The following SMC2 variants were observed in gnomAD, a reference collection of about 807,000 sequenced individuals.
The protein encoded by SMC2 is structural maintenance of chromosomes protein 2.
Under a neutral mutation model 142.6 loss-of-function variants are expected in SMC2, and 41 were observed. The observed-to-expected ratio is 0.29, with a 90% CI of 0.22 to 0.37. The LOEUF is 0.37. Among genes scored for constraint, SMC2 ranks in the 10% least tolerant of loss-of-function variants. SMC2 has a pLI of 1.00. For synonymous variants in SMC2, 463 were observed against 457.5 expected (o/e 1.01, Z -0.15); for missense variants, 1,265 against 1,373.7 (o/e 0.92, Z 1.25).
rs1266414745 is a variant in SMC2 at position 104,124,959 on chromosome 9, G to A, written c.2305G>A (p.Ala769Thr). 6.3e-7 allele frequency: 1 copy of A among 1,597,496 alleles called. No individual in the cohort carries two copies. The highest frequency in any genetic ancestry group is 1.8e-5 in the Admixed American group (1 of 54,952). Residue 769 changes from alanine to threonine, a missense_variant, in exon 18 of 25, where the codon GCA (alanine) becomes ACA (threonine). Ala to Thr is a moderately conservative substitution (Grantham distance 58, BLOSUM62 0). Transcript: ENST00000374793. The stretch of plus-strand genomic sequence containing the variant: ...AAACACTAAAGAAATCCAAAGAAAA[G>A]CAGAAGAAAAATATGAAGTATTGGA... ...LKNTKEIQRK[A>T]EEKYEVLENK...
intron 22 of SMC2, 46 bp from the exon 23 acceptor site, chr9:104,134,369 T>C: frequency 6.9e-7 from 1 of 1,453,866 alleles, no homozygotes; most frequent in Non-Finnish European, 9.3e-7. Context: ...TTGATTCTTC[T>C]TGGAAAGCAT....
Position 104,111,786 on chromosome 9 carries a change from T to C in SMC2, c.1226T>C (p.Ile409Thr), listed in dbSNP as rs749636234. 1.4e-5 allele frequency: 23 copies of C among 1,613,656 alleles called. No homozygotes were observed. Among genetic ancestry groups the C allele is most frequent in the Non-Finnish European group, 1.8e-5 (21 of 1,179,784 alleles). Residue 409 changes from isoleucine to threonine, a missense_variant, in exon 10 of 25, where the codon ATA becomes ACA. By Grantham distance (89) the Ile-to-Thr change is moderately conservative. Coordinates refer to ENST00000374793, the MANE Select transcript of SMC2 (RefSeq NM_006444.3). The stretch of plus-strand genomic sequence containing the variant: ...CAAATGATGGCCTGTAAAAATGATA[T>C]AAGTAAAGCTCAGACAGAAGCCAAA... ...AGQMMACKNDISKAQTEAKQA... is the reference protein window; with the variant it reads ...AGQMMACKNDTSKAQTEAKQA...
Position 104,129,716 on chromosome 9 carries a change from C to G in SMC2, c.2862C>G (p.Ala954=), listed in dbSNP as rs770213218. 1 of 1,613,844 alleles carries G rather than the reference C, an allele frequency of 6.2e-7. No individual in the cohort carries two copies. The highest frequency in any genetic ancestry group is 8.5e-7 in the Non-Finnish European group (1 of 1,179,892). Residue 954 remains alanine, a synonymous_variant, in exon 21 of 25, where the codon GCC becomes GCG. Transcript: ENST00000374793. Reference sequence around the variant, plus strand: ...ACCTCTTTGGCCAACCCAATAGTGCCTATGATTTCAAAACTAACAACCCTA... The same window carrying G: ...ACCTCTTTGGCCAACCCAATAGTGCGTATGATTTCAAAACTAACAACCCTA... The part of the protein sequence containing the change: ...ERHLFGQPNS[A]YDFKTNNPKE...
intron 12 of SMC2, among the ~76,000 whole-genome samples, chr9:104,114,429 AG>A (rs1294733796): frequency 6.6e-6 from 1 of 152,202 alleles, no homozygotes; most frequent in African/African-American, 2.4e-5. Context: ...GAATATTTAC[AG>A]TAATCATATG....
intron 17 of SMC2, among the ~76,000 whole-genome samples, chr9:104,124,084 C>T (rs1834013934): frequency 6.6e-6 from 1 of 152,124 alleles, no homozygotes; most frequent in African/African-American, 2.4e-5. Context: ...CGTGTTCATT[C>T]AGTATTGCCC....
upstream of SMC2, among the ~76,000 whole-genome samples, chr9:104,090,145 C>T (rs1484427884): frequency 1.3e-5 from 2 of 152,118 alleles, no homozygotes; most frequent in Non-Finnish European, 2.9e-5. Flanking sequence ...CCTTTATAAA[C>T]TCATAGAAAT....
In SMC2 at chr9:104,102,292, A is replaced by T. The variant is rs895982483; in HGVS notation, c.870+99A>T. The T allele has an allele frequency of 2.8e-6, 3 of 1,067,236 alleles. No individual in the cohort carries two copies. In the African/African-American group the frequency reaches 4.8e-5, roughly 17 times the overall value. 66.1% of individuals were successfully genotyped at this position (1,067,236 alleles called of 1,614,324 possible). A position where few individuals can be genotyped will look rare whatever the true frequency, so the allele number is the denominator to read the frequency against. On this transcript the variant is annotated intron_variant, in intron 8 of 24. Transcript: ENST00000374793. The stretch of plus-strand genomic sequence containing the variant: ...GGATTCATTGGGCATTGTCTTCCGT[A>T]TTGATTTGTTAATCTTATAGTAAGA...
intron 4 of SMC2, among the ~76,000 whole-genome samples, chr9:104,098,904 TAAAA>T (rs1830794796): frequency 6.6e-6 from 1 of 151,844 alleles, no homozygotes; most frequent in South Asian, 2.1e-4. Context: ...ATTTCAAGTA[TAAAA>T]GCTTGAGTAA....
At chr9:104,094,697 G>A (rs981562923) in intron 1 of SMC2, 30 of 350,644 alleles carry the variant, frequency 8.6e-5, no homozygotes, top group African/African-American at 6.3e-4. Flanking sequence ...AAAAGCCTGA[G>A]TAAAAGCAAG....
At chr9:104,097,455 TATC>T (rs1233846796) in intron 3 of SMC2, among the ~76,000 whole-genome samples, 1 of 149,648 alleles carries the variant, frequency 6.7e-6, no homozygotes, top group African/African-American at 2.5e-5. Context: ...CTGTCCATCT[TATC>T]ATTTATCACT....
chr9:104,088,378 T>C, the SMC2 span, among the ~76,000 whole-genome samples: 2 of 152,112 alleles, frequency 1.3e-5, no homozygotes, highest in Non-Finnish European at 2.9e-5. Flanking sequence ...CAAGCACCAA[T>C]ATGTATCACA....
Position 104,106,442 on chromosome 9 carries a change from G to A in SMC2, c.1020+3869G>A, listed in dbSNP as rs1429445620. Among the ~76,000 whole-genome samples the A allele has an allele frequency of 6.6e-5, 10 of 152,094 alleles. 1 individual carries two copies. In the East Asian group the frequency reaches 1.9e-3, roughly 29 times the overall value. On this transcript the variant is annotated intron_variant, in intron 9 of 24. Coordinates refer to ENST00000374793, the MANE Select transcript of SMC2 (RefSeq NM_006444.3). The stretch of plus-strand genomic sequence containing the variant: ...TCACTCTTGTTGCCCAGGCTGGAGT[G>A]CAGTGGCGCAATTTCGGCTCACTAC...
intron 15 of SMC2, among the ~76,000 whole-genome samples, chr9:104,119,179 A>G (rs1030395610): frequency 6.6e-6 from 1 of 152,192 alleles, no homozygotes; most frequent in South Asian, 2.1e-4. Flanking sequence ...TCCAGTACAC[A>G]ATCAAATGAC....
intron 9 of SMC2, among the ~76,000 whole-genome samples, chr9:104,103,852 G>A (rs528705028): frequency 1.3e-5 from 2 of 152,274 alleles, no homozygotes; most frequent in Admixed American, 1.3e-4. Context: ...AAATTTTGAA[G>A]CGATATGAAC....
chr9:104,117,068 A>G (rs1229540300), intron 14 of SMC2, among the ~76,000 whole-genome samples: 3 of 152,192 alleles, frequency 2.0e-5, no homozygotes, highest in African/African-American at 4.8e-5. Flanking sequence ...GAAGATTTCA[A>G]TGCAAATGAT....
chr9:104,111,487 T>C, intron 9 of SMC2, 94 bp from the exon 10 acceptor site: 1 of 681,424 alleles, frequency 1.5e-6, no homozygotes, highest in South Asian at 2.0e-5. Context: ...CACTCCAAAT[T>C]GCTATGGAAT....
chr9:104,123,173 T>A lies in SMC2; in HGVS notation c.2198T>A (p.Leu733His). 2 of 1,612,132 alleles carry A rather than the reference T, an allele frequency of 1.2e-6. No homozygotes were observed. The highest frequency in any genetic ancestry group is 1.7e-6 in the Non-Finnish European group (2 of 1,179,046). ...TEEADLLQTK[L>H]QQSSYHKQQE... ...GAGGCAGATTTATTACAAACCAAGC[T>A]CCAGCAAAGCTCATATCACAAGCAA... Residue 733 changes from leucine to histidine, a missense_variant, in exon 17 of 25, where the codon CTC becomes CAC. By Grantham distance (99) the Leu-to-His change is moderately conservative. Around this residue, in one of 4 missense-constraint regions of SMC2, gnomAD observed 898 missense variants for 904.2 expected, o/e 0.99. Transcript: ENST00000374793.
In SMC2 at chr9:104,123,113, G is replaced by A. The variant is rs781384156; in HGVS notation, c.2138G>A (p.Arg713His). 38 of 1,604,796 alleles carry A rather than the reference G, an allele frequency of 2.4e-5. No homozygotes were observed. The East Asian group carries it at 5.6e-4, about 24-fold the overall frequency. Reference protein sequence around the residue: ...AGLKNTAEKYRQLKQQWEMKT... With the variant: ...AGLKNTAEKYHQLKQQWEMKT... The stretch of plus-strand genomic sequence containing the variant: ...CATGTTTCTGTTTTTGTAAGGTATC[G>A]CCAACTAAAACAGCAGTGGGAGATG... Residue 713 changes from arginine to histidine, a missense_variant, in exon 17 of 25, where the codon CGC (arginine) becomes CAC (histidine). By Grantham distance (29) the Arg-to-His change is conservative. Coordinates refer to ENST00000374793, the MANE Select transcript of SMC2 (RefSeq NM_006444.3).
Position 104,113,464 on chromosome 9 carries a change from T to G in SMC2, c.1403T>G (p.Leu468Arg). ...AAACTTGAAGCTGAAATGAAAAAGC[T>G]AAATTATGAAGGTTTGCCTTTAAAA... ...KEKLEAEMKKLNYEENKEESL... is the reference protein window; with the variant it reads ...KEKLEAEMKKRNYEENKEESL... Residue 468 changes from leucine to arginine, a missense_variant, in exon 11 of 25, where the codon CTA (leucine) becomes CGA (arginine). Transcript: ENST00000374793. The G allele has an allele frequency of 6.2e-7, 1 of 1,601,118 alleles. No homozygotes were observed. The highest frequency in any genetic ancestry group is 1.3e-5 in the African/African-American group (1 of 74,098).
Sources: allele counts gnomAD v4.1 joint callset (sites outside exome capture counted in the v4.1 genomes callset), GRCh38; gene constraint gnomAD v4.1.1; regional missense constraint gnomAD v4.1.1; transcripts MANE v1.5; gene names NCBI Gene and HGNC (gene_info 2026-07-23, HGNC 2026-07-21).